MKLN1: variants seen among roughly 807,000 people sequenced by gnomAD.
MKLN1 encodes the protein muskelin.
Under a neutral mutation model 99.0 loss-of-function variants are expected in MKLN1, and 18 were observed. The ratio of observed to expected loss-of-function variants is 0.18; its 90% CI spans 0.13 to 0.27. The LOEUF (loss-of-function observed/expected upper bound fraction) is 0.27. MKLN1 is among the 10% of genes least tolerant of loss of function. The pLI is 1.00. For synonymous variants in MKLN1, 288 were observed against 293.2 expected, an observed-to-expected ratio of 0.98 and a Z score of 0.18; for missense variants, 621 against 875.9, an observed-to-expected ratio of 0.71 and a Z score of 3.67.
intron 1 of MKLN1, among the ~76,000 whole-genome samples, chr7:131,111,771 TAAATAAA>T (rs1795205419): frequency 1.3e-3 from 1 of 776 alleles, no homozygotes; most frequent in Non-Finnish European, 0.026. Context: ...ATGAAACGCA[TAAATAAA>T]TAAATAAATA....
chr7:131,459,021 C>G, intron 12 of MKLN1, among the ~76,000 whole-genome samples: 1 of 152,094 alleles, frequency 6.6e-6, no homozygotes, highest in Non-Finnish European at 1.5e-5. Flanking sequence ...GGCATGTGAG[C>G]CTTCAGAAGA....
chr7:131,372,785 T>C (rs1584664875), intron 1 of MKLN1, among the ~76,000 whole-genome samples: 1 of 151,508 alleles, frequency 6.6e-6, no homozygotes, highest in Admixed American at 6.6e-5. Context: ...CTTTAGCATA[T>C]GGTGATTAAG....
In MKLN1 at chr7:131,138,905, C is replaced by T. The variant is rs145302406; in HGVS notation, c.-418-3915C>T. On this transcript the variant is annotated intron_variant, in intron 1 of 7. Coordinates refer to the MKLN1 transcript ENST00000416992. The stretch of plus-strand genomic sequence containing the variant: ...CCTAAGTCATCTGGAATGATTACAA[C>T]TTAGAAATAATGTTTCCACGAATCA... Among the ~76,000 whole-genome samples, 722 of 152,302 alleles carry T rather than the reference C, an allele frequency of 4.7e-3. 1 individual carries two copies. The highest frequency in any genetic ancestry group is 0.01 in the Middle Eastern group (3 of 294).
chr7:131,164,886 C>T (rs1184560829), intron 2 of MKLN1, among the ~76,000 whole-genome samples: 5 of 152,198 alleles, frequency 3.3e-5, no homozygotes, highest in African/African-American at 1.2e-4. Context: ...TTCTTGGAAA[C>T]CTACTATGTT....
chr7:131,403,402 G>A (rs1023339362), intron 6 of MKLN1, among the ~76,000 whole-genome samples: 2 of 152,130 alleles, frequency 1.3e-5, no homozygotes, highest in Non-Finnish European at 2.9e-5. Flanking sequence ...AATCTATCCA[G>A]ACCGCTCTAA....
At chr7:131,289,120 G>A (rs1048002889) in intron 3 of MKLN1, among the ~76,000 whole-genome samples, 64 of 152,220 alleles carry the variant, frequency 4.2e-4, no homozygotes, top group African/African-American at 1.4e-3. Flanking sequence ...CATCATGCCC[G>A]GCTATCAAAG....
At chr7:131,116,007 T>C (rs1350908166) in intron 1 of MKLN1, among the ~76,000 whole-genome samples, 1 of 152,076 alleles carries the variant, frequency 6.6e-6, no homozygotes, top group Non-Finnish European at 1.5e-5. Flanking sequence ...ATCAGGCACT[T>C]AAAAAATATT....
chr7:131,127,271 A>C (rs901542169), intron 1 of MKLN1, among the ~76,000 whole-genome samples: 1 of 152,096 alleles, frequency 6.6e-6, no homozygotes, highest in Non-Finnish European at 1.5e-5. Flanking sequence ...TCTACTTGGG[A>C]TCTTGGAAGT....
intron 14 of MKLN1, among the ~76,000 whole-genome samples, chr7:131,464,796 G>A (rs1432267975): frequency 2.0e-5 from 3 of 152,106 alleles, no homozygotes; most frequent in Non-Finnish European, 2.9e-5. Context: ...TATTGTGTGC[G>A]AAGTCTTTTT....
intron 15 of MKLN1, among the ~76,000 whole-genome samples, chr7:131,468,434 T>G (rs189716484): frequency 6.6e-6 from 1 of 152,290 alleles, no homozygotes; most frequent in Admixed American, 6.5e-5. Context: ...TACGGGAGCT[T>G]GTACTACACT....
intron 14 of MKLN1, among the ~76,000 whole-genome samples, chr7:131,465,313 C>T (rs957804523): frequency 1.3e-5 from 2 of 152,032 alleles, no homozygotes; most frequent in African/African-American, 4.8e-5. Context: ...GGCAGTTATA[C>T]CTCTCACTTC....
rs200259087 is a variant in MKLN1, at chr7:131,192,078, C to CGT, written c.-296-10779_-296-10778insGT. On this transcript the variant is annotated intron_variant, in intron 2 of 7. Coordinates refer to the MKLN1 transcript ENST00000416992. The stretch of plus-strand genomic sequence containing the variant: ...CATGTATATATATATTATATATATA[C>CGT]ATATATATTATATATATATGTATAT... Among the ~76,000 whole-genome samples the CGT allele has an allele frequency of 7.0e-3, 585 of 84,074 alleles. 58 individuals carry two copies. Among genetic ancestry groups the CGT allele is most frequent in the African/African-American group, 0.03 (550 of 18,524 alleles). The allele number at this position is 84,074 out of a possible 152,430, so 55.2% of individuals were successfully genotyped here.
chr7:131,210,760 AGGGGG>A (rs1265584770), intron 3 of MKLN1, among the ~76,000 whole-genome samples: 1 of 8,950 alleles, frequency 1.1e-4, no homozygotes, highest in Non-Finnish European at 1.8e-4. Context: ...GAGGGAGGGG[AGGGGG>A]GAGGGGAGCA....
intron 12 of MKLN1, among the ~76,000 whole-genome samples, chr7:131,447,855 G>A (rs186085070): frequency 4.1e-4 from 62 of 152,272 alleles, no homozygotes; most frequent in Admixed American, 9.2e-4. Context: ...ACACAACTAC[G>A]TAATGACAGA....
At chr7:131,177,744 T>C (rs1796320275) in intron 2 of MKLN1, among the ~76,000 whole-genome samples, 1 of 152,258 alleles carries the variant, frequency 6.6e-6, no homozygotes, top group Non-Finnish European at 1.5e-5. Flanking sequence ...GCATAATAGC[T>C]GATAACTTGT....
chr7:131,228,027 GT>G (rs1211072638), intron 3 of MKLN1, among the ~76,000 whole-genome samples: 7 of 152,056 alleles, frequency 4.6e-5, no homozygotes, highest in Admixed American at 6.6e-5. Flanking sequence ...TCCAATCTTT[GT>G]TTTTCATCCT....
At chr7:131,444,468 A>G (rs1795935742) in intron 11 of MKLN1, among the ~76,000 whole-genome samples, 1 of 152,060 alleles carries the variant, frequency 6.6e-6, no homozygotes, top group East Asian at 2.0e-4. Context: ...CACCCCCCAC[A>G]ACATATTTAT....
chr7:131,146,885 A>C (rs574809760), intron 2 of MKLN1, among the ~76,000 whole-genome samples: 6 of 152,210 alleles, frequency 3.9e-5, no homozygotes, highest in African/African-American at 1.4e-4. Context: ...ATGTGCTGTC[A>C]GTGGGGGAGA....
intron 2 of MKLN1, among the ~76,000 whole-genome samples, chr7:131,384,274 G>A (rs538440529): frequency 1.5e-3 from 201 of 132,848 alleles, no homozygotes; most frequent in Non-Finnish European, 2.7e-3. Context: ...ACCTTATTTG[G>A]AATAAAGTGT....
Sources: gnomAD v4.1 joint callset for allele counts (sites outside exome capture counted in the v4.1 genomes callset) on GRCh38, gnomAD v4.1.1 for gene constraint, MANE v1.5 for transcripts, NCBI Gene and HGNC (gene_info 2026-07-23, HGNC 2026-07-21) for gene names.